The following LDLRAD4 variants were observed in gnomAD, a reference collection of about 807,000 sequenced individuals.
LDLRAD4 encodes the protein low-density lipoprotein receptor class A domain-containing protein 4.
A neutral mutation model predicts 17.0 loss-of-function variants in LDLRAD4; 5 were observed. That is an observed-to-expected ratio of 0.29 (90% CI 0.15 to 0.62). LDLRAD4 has a LOEUF of 0.62. LDLRAD4 is among the 20% of genes least tolerant of loss of function. The pLI, the probability that LDLRAD4 is intolerant of heterozygous loss-of-function variation, is 0.84. For synonymous variants in LDLRAD4, 168 were observed against 171.8 expected, an observed-to-expected ratio of 0.98 and a Z score of 0.17; for missense variants, 340 against 424.7, an observed-to-expected ratio of 0.80 and a Z score of 1.75.
chr18:13,287,936 T>TA (rs2045725296), intron 1 of LDLRAD4, among the ~76,000 whole-genome samples: 1 of 152,258 alleles, frequency 6.6e-6, no homozygotes, highest in African/African-American at 2.4e-5. Flanking sequence ...TAACTAGTTT[T>TA]AATTTAGTAA....
intron 1 of LDLRAD4, among the ~76,000 whole-genome samples, chr18:13,365,732 T>C (rs1052753564): frequency 2.6e-5 from 4 of 152,234 alleles, no homozygotes; most frequent in African/African-American, 9.6e-5. Flanking sequence ...TAGCTGAGTT[T>C]TATGTATTAT....
intron 3 of LDLRAD4, among the ~76,000 whole-genome samples, chr18:13,563,740 C>A (rs113379809): frequency 6.6e-5 from 10 of 152,274 alleles, no homozygotes; most frequent in African/African-American, 2.4e-4. Flanking sequence ...AAATGCCTGG[C>A]CCCACGGGAG....
intron 1 of LDLRAD4, among the ~76,000 whole-genome samples, chr18:13,270,811 T>C (rs2044492794): frequency 6.6e-6 from 1 of 152,260 alleles, no homozygotes; most frequent in African/African-American, 2.4e-5. Flanking sequence ...AGAGAAAATG[T>C]ATTTCAAATA....
intron 3 of LDLRAD4, among the ~76,000 whole-genome samples, chr18:13,469,844 T>A (rs775382174): frequency 6.6e-6 from 1 of 152,214 alleles, no homozygotes; most frequent in Non-Finnish European, 1.5e-5. Context: ...CACTGAATTG[T>A]GTCTCAGTTA....
At chr18:13,567,251 C>T (rs2094616378) in intron 3 of LDLRAD4, among the ~76,000 whole-genome samples, 1 of 152,232 alleles carries the variant, frequency 6.6e-6, no homozygotes, top group Admixed American at 6.5e-5. Context: ...GACAAATACA[C>T]ACACGTAGGG....
intron 3 of LDLRAD4, among the ~76,000 whole-genome samples, chr18:13,609,696 G>A (rs1422771095): frequency 1.3e-5 from 2 of 152,208 alleles, no homozygotes; most frequent in Admixed American, 6.5e-5. Context: ...TCCATGGCCG[G>A]GCGTGGTGGC....
chr18:13,641,633 G>A (rs367609993), intron 4 of LDLRAD4: 69 of 384,716 alleles, frequency 1.8e-4, no homozygotes, highest in African/African-American at 1.4e-3. Context: ...GGACTGGGGT[G>A]AGGGAGAGAG....
Position 13,621,391 on chromosome 18 carries a change from C to A in LDLRAD4, c.336+120C>A. 1.4e-6 allele frequency: 1 copy of A among 719,158 alleles called. No homozygotes were observed. The highest frequency in any genetic ancestry group is 2.4e-6 in the Non-Finnish European group (1 of 423,322). The allele number at this position is 719,158 out of a possible 1,614,324, so 44.5% of individuals were successfully genotyped here. A position where few individuals can be genotyped will look rare whatever the true frequency, so the allele number is the denominator to read the frequency against. On this transcript the variant is annotated intron_variant, in intron 4 of 5. Transcript: ENST00000359446. This position sits in a 1 kb window ranked among gnomAD's most constrained non-coding sequence, Gnocchi z 5.5. ...CATGTAACAAACGGGGCGAAGCGCA[C>A]CTCGTAAGTGTTCCACTTAGTGAGT...
upstream of LDLRAD4, among the ~76,000 whole-genome samples, chr18:13,274,539 G>C (rs986812268): frequency 2.6e-5 from 4 of 152,172 alleles, no homozygotes; most frequent in Non-Finnish European, 5.9e-5. Flanking sequence ...TGCTGCCTGC[G>C]AGGCTAAGCA....
chr18:13,395,825 G>A (rs1272708968), intron 2 of LDLRAD4, among the ~76,000 whole-genome samples: 5 of 151,900 alleles, frequency 3.3e-5, no homozygotes, highest in Admixed American at 6.6e-5. Context: ...CCCTCTGCTC[G>A]TGGGAATCAA....
intron 3 of LDLRAD4, among the ~76,000 whole-genome samples, chr18:13,456,647 G>A (rs1451864118): frequency 1.3e-5 from 2 of 152,322 alleles, no homozygotes; most frequent in Middle Eastern, 3.4e-3. Flanking sequence ...CAGGGTCCAT[G>A]TGCATGCACA....
At chr18:13,397,846 A>G (rs1384637040) in intron 2 of LDLRAD4, among the ~76,000 whole-genome samples, 1 of 152,206 alleles carries the variant, frequency 6.6e-6, no homozygotes, top group Non-Finnish European at 1.5e-5. Context: ...CAGAAAATTC[A>G]GGGTGTTTTC....
chr18:13,561,062 T>C (rs374290972), intron 3 of LDLRAD4, among the ~76,000 whole-genome samples: 178 of 3,166 alleles, frequency 0.056, no homozygotes, highest in African/African-American at 0.057. Flanking sequence ...AATTGGCTTA[T>C]GATGTGTCAC....
chr18:13,596,539 A>C (rs571282342), intron 3 of LDLRAD4, among the ~76,000 whole-genome samples: 10 of 152,310 alleles, frequency 6.6e-5, no homozygotes, highest in Admixed American at 6.5e-4. Context: ...TTCTAGTGTG[A>C]GATATATACA....
At chr18:13,644,897 C>T (rs2042931217) in intron 5 of LDLRAD4, 1 of 540,284 alleles carries the variant, frequency 1.9e-6, no homozygotes, top group Non-Finnish European at 3.3e-6. Context: ...CATTGCTCAG[C>T]CCTCCTGGAT....
At chr18:13,524,576 C>T (rs1043754579) in intron 3 of LDLRAD4, among the ~76,000 whole-genome samples, 7 of 152,304 alleles carry the variant, frequency 4.6e-5, no homozygotes, top group African/African-American at 1.2e-4. Context: ...TCAGTAACGC[C>T]GTGTAACAAA....
intron 2 of LDLRAD4, among the ~76,000 whole-genome samples, chr18:13,389,058 G>A (rs1318909296): frequency 6.6e-6 from 1 of 152,166 alleles, no homozygotes; most frequent in Admixed American, 6.5e-5. Flanking sequence ...GTGGTGTGCG[G>A]GTCATGGCCC....
intron 1 of LDLRAD4, among the ~76,000 whole-genome samples, chr18:13,295,110 T>C (rs1043317684): frequency 2.6e-5 from 4 of 152,182 alleles, no homozygotes; most frequent in African/African-American, 9.7e-5. Flanking sequence ...ACAGCATTCC[T>C]AAGGGGGAAG....
At chr18:13,623,007 T>C (rs907262673) in intron 4 of LDLRAD4, among the ~76,000 whole-genome samples, 1 of 152,150 alleles carries the variant, frequency 6.6e-6, no homozygotes, top group Admixed American at 6.5e-5. Context: ...CTAGTGTGGG[T>C]CAGGCAGCTC....
Sources: gnomAD v4.1 joint callset for allele counts (sites outside exome capture counted in the v4.1 genomes callset) on GRCh38, gnomAD v4.1.1 for gene constraint, Gnocchi (gnomAD v3.1) non-coding constraint, MANE v1.5 for transcripts, NCBI Gene and HGNC (gene_info 2026-07-23, HGNC 2026-07-21) for gene names.